The following AGBL1 variants were observed in gnomAD, a reference collection of about 807,000 sequenced individuals.
The protein encoded by AGBL1 is cytosolic carboxypeptidase 4.
Under a neutral mutation model 118.9 loss-of-function variants are expected in AGBL1, and 130 were observed. The observed-to-expected ratio is 1.09, with a 90% CI of 0.95 to 1.26. The LOEUF (loss-of-function observed/expected upper bound fraction) is 1.26, where lower values mean the gene tolerates loss of function less well. AGBL1 is among the 50% of genes most tolerant of loss of function. The probability of loss-of-function intolerance (pLI) is 0.00; values close to 1 mark genes in which losing one functional copy is unlikely to be tolerated. For synonymous variants in AGBL1, 555 were observed against 478.9 expected (o/e 1.16, Z -2.08); for missense variants, 1,584 against 1,298.1 (o/e 1.22, Z -3.38).
chr15:86,086,203 C>T (rs1895639321), intron 1 of AGBL1: 1 of 152,202 alleles, frequency 6.6e-6, no homozygotes, highest in Non-Finnish European at 1.5e-5. Flanking sequence ...GCCCCAGTTC[C>T]AGCCCTGGGA....
chr15:86,548,303 CG>C (rs1430799137), intron 20 of AGBL1, among the ~76,000 whole-genome samples: 1 of 152,068 alleles, frequency 6.6e-6, no homozygotes, highest in Non-Finnish European at 1.5e-5. Flanking sequence ...ATTGAAGAGA[CG>C]ATTATACACC....
intron 22 of AGBL1, among the ~76,000 whole-genome samples, chr15:86,723,370 C>G (rs2086763769): frequency 6.6e-6 from 1 of 152,138 alleles, no homozygotes; most frequent in Non-Finnish European, 1.5e-5. Flanking sequence ...ATGGATGAAG[C>G]TGGAAACCAT....
intron 18 of AGBL1, among the ~76,000 whole-genome samples, chr15:86,476,857 AG>A (rs1404039036): frequency 1.3e-5 from 2 of 152,212 alleles, no homozygotes; most frequent in East Asian, 3.8e-4. Context: ...CAAAAGTAAA[AG>A]AACAGAAATT....
chr15:86,601,458 AAT>A (rs2084491890), intron 21 of AGBL1, among the ~76,000 whole-genome samples: 1 of 152,210 alleles, frequency 6.6e-6, no homozygotes, highest in Non-Finnish European at 1.5e-5. Flanking sequence ...ATTTCACAAA[AAT>A]GTGGCTTTAA....
intron 18 of AGBL1, among the ~76,000 whole-genome samples, chr15:86,504,189 CTGTT>C (rs1399196694): frequency 2.6e-5 from 4 of 151,596 alleles, no homozygotes; most frequent in East Asian, 3.9e-4. Flanking sequence ...TTTCTTGTAA[CTGTT>C]TGTGAGTTAA....
intron 5 of AGBL1, among the ~76,000 whole-genome samples, chr15:86,172,758 C>T (rs1296613756): frequency 3.9e-5 from 6 of 152,198 alleles, no homozygotes; most frequent in South Asian, 2.1e-4. Flanking sequence ...TGTTGATAAA[C>T]ACTTAGGTTG....
chr15:86,273,581 T>C lies in AGBL1; in HGVS notation c.2075+1875T>C, dbSNP rs549015103. Among the ~76,000 whole-genome samples, 7 of 152,360 alleles carry C rather than the reference T, an allele frequency of 4.6e-5. No individual in the cohort carries two copies. The East Asian group carries it at 5.8e-4, about 13-fold the overall frequency. Reference sequence around the variant, plus strand: ...TGCCTTAGATTATGCAATATCTCTCTCCCTATTTACCTATCCTGATTTTTG... The same window carrying C: ...TGCCTTAGATTATGCAATATCTCTCCCCCTATTTACCTATCCTGATTTTTG... On this transcript the variant is annotated intron_variant, in intron 15 of 22. Transcript: ENST00000614907.
intron 7 of AGBL1, 60 bp downstream of exon 7, chr15:86,247,939 G>C (rs2078748621): frequency 7.0e-6 from 11 of 1,562,112 alleles, no homozygotes; most frequent in Non-Finnish European, 9.7e-6. Context: ...CCTGAAGGCT[G>C]TCATTTAGGA....
chr15:86,237,294 A>G (rs751326324), intron 6 of AGBL1, among the ~76,000 whole-genome samples: 1 of 152,032 alleles, frequency 6.6e-6, no homozygotes, highest in Non-Finnish European at 1.5e-5. Context: ...TTCCTCATAC[A>G]CTCAGGGCCT....
intron 18 of AGBL1, among the ~76,000 whole-genome samples, chr15:86,496,181 A>C (rs1014365049): frequency 6.6e-6 from 1 of 151,962 alleles, no homozygotes; most frequent in Non-Finnish European, 1.5e-5. Flanking sequence ...ATGAGTTTTC[A>C]CAATATCTGA....
chr15:86,141,934 T>C, intron 1 of AGBL1, 70 bp from the exon 2 acceptor site: 2 of 1,433,476 alleles, frequency 1.4e-6, no homozygotes, highest in South Asian at 1.3e-5. Flanking sequence ...TGCCATTCCA[T>C]GTACATCCCT....
chr15:86,285,974 T>C (rs2141739321), intron 16 of AGBL1, among the ~76,000 whole-genome samples: 1 of 152,272 alleles, frequency 6.6e-6, no homozygotes, highest in South Asian at 2.1e-4. Context: ...GCATATCTGA[T>C]TTATAAAATC....
chr15:86,933,381 G>T (rs553127644), intron 23 of AGBL1, among the ~76,000 whole-genome samples: 2 of 152,182 alleles, frequency 1.3e-5, no homozygotes, highest in Admixed American at 1.3e-4. Flanking sequence ...TATGGGAGGG[G>T]TCTGAATTCT....
intron 22 of AGBL1, among the ~76,000 whole-genome samples, chr15:86,831,634 G>A (rs2079105263): frequency 6.6e-6 from 1 of 152,146 alleles, no homozygotes; most frequent in Non-Finnish European, 1.5e-5. Context: ...CATGGTCTTG[G>A]GCAGCTCTGC....
chr15:86,886,376 C>T (rs996709939), intron 22 of AGBL1, among the ~76,000 whole-genome samples: 2 of 152,204 alleles, frequency 1.3e-5, no homozygotes, highest in African/African-American at 4.8e-5. Flanking sequence ...TATGAATTCT[C>T]TTAAACACTC....
intron 18 of AGBL1, among the ~76,000 whole-genome samples, chr15:86,502,550 T>C (rs2082929767): frequency 6.6e-6 from 1 of 150,982 alleles, no homozygotes; most frequent in African/African-American, 2.4e-5. Flanking sequence ...TATCATTAAG[T>C]AAAATAACAG....
intron 21 of AGBL1, among the ~76,000 whole-genome samples, chr15:86,589,731 C>T (rs191863442): frequency 2.4e-4 from 36 of 152,184 alleles, no homozygotes; most frequent in Non-Finnish European, 8.8e-5. Flanking sequence ...CCCTTCCTTC[C>T]TCCTCCTTTC....
chr15:86,485,599 A>G (rs976039335), intron 18 of AGBL1, among the ~76,000 whole-genome samples: 2 of 152,282 alleles, frequency 1.3e-5, no homozygotes, highest in East Asian at 3.9e-4. Flanking sequence ...TTTAAATTTT[A>G]CATAATTTTC....
chr15:86,109,014 A>C (rs1272585923), intron 1 of AGBL1, among the ~76,000 whole-genome samples: 1 of 152,188 alleles, frequency 6.6e-6, no homozygotes, highest in African/African-American at 2.4e-5. Context: ...TGAAGTGAGA[A>C]TATCTATCAT....
Sources: gnomAD v4.1 joint callset for allele counts (sites outside exome capture counted in the v4.1 genomes callset) on GRCh38, gnomAD v4.1.1 for gene constraint, MANE v1.5 for transcripts, NCBI Gene and HGNC (gene_info 2026-07-23, HGNC 2026-07-21) for gene names.